Variants in UMOD observed in about 807,000 individuals in gnomAD.
UMOD encodes the protein Tamm-Horsfall urinary glycoprotein.
In UMOD, 64 loss-of-function variants were observed where a neutral mutation model predicts 66.0. That is an observed-to-expected ratio of 0.97 (90% CI 0.79 to 1.19). UMOD has a LOEUF of 1.19. Among genes scored for constraint, UMOD ranks in the 50% most tolerant of loss-of-function variants. The probability of loss-of-function intolerance (pLI) is 0.00; values close to 1 mark genes in which losing one functional copy is unlikely to be tolerated. For synonymous variants in UMOD, 398 were observed against 352.7 expected, an observed-to-expected ratio of 1.13 and a Z score of -1.44; for missense variants, 764 against 850.9, an observed-to-expected ratio of 0.90 and a Z score of 1.27.
chr16:20,346,976 G>A (rs1442428793), intron 4 of UMOD, among the ~76,000 whole-genome samples: 1 of 152,178 alleles, frequency 6.6e-6, no homozygotes, highest in Non-Finnish European at 1.5e-5. Flanking sequence ...GTCCCAGCTT[G>A]CCACTAATGT....
rs547514548 is a variant in UMOD at position 20,333,226 on chromosome 16, C to T, written c.*88G>A. ...CTGAACAAAGCATGAACTTTCTTTT[C>T]TGTGGCTGGAGCACTGGCCCGCATC... On this transcript the variant is annotated 3_prime_UTR_variant, in exon 11 of 11. Coordinates refer to ENST00000396138, the MANE Select transcript of UMOD (RefSeq NM_003361.4). 12 of 1,355,918 alleles carry T rather than the reference C, an allele frequency of 8.9e-6. No individual in the cohort carries two copies. The African/African-American group carries it at 1.2e-4, about 13-fold the overall frequency. The allele number at this position is 1,355,918 out of a possible 1,614,324, so 84.0% of individuals were successfully genotyped here. A position where few individuals can be genotyped will look rare whatever the true frequency, so the allele number is the denominator to read the frequency against.
intron 8 of UMOD, 123 bp from the exon 9 acceptor site, chr16:20,336,850 G>T: frequency 1.2e-6 from 1 of 829,634 alleles, no homozygotes; most frequent in Non-Finnish European, 2.0e-6. Context: ...GTTGTTAGGA[G>T]ACCTGTATAC....
chr16:20,351,531 T>C (rs1158388474), intron 1 of UMOD: 1 of 154,630 alleles, frequency 6.5e-6, no homozygotes, highest in African/African-American at 2.4e-5. Context: ...CCTGCTTTAC[T>C]GATCACTAAC....
intron 1 of UMOD, among the ~76,000 whole-genome samples, chr16:20,352,194 C>T (rs1429366334): frequency 6.6e-6 from 1 of 152,004 alleles, no homozygotes; most frequent in Non-Finnish European, 1.5e-5. Context: ...TCCTAGTTTG[C>T]AGATGAGAAA....
chr16:20,337,146 C>T, intron 8 of UMOD, 145 bp downstream of exon 8: 2 of 1,148,586 alleles, frequency 1.7e-6, no homozygotes, highest in Non-Finnish European at 2.5e-6. Flanking sequence ...CTTAGGTTTC[C>T]TGCCTAGCCA....
intron 7 of UMOD, among the ~76,000 whole-genome samples, chr16:20,339,261 T>C (rs185907304): frequency 5.3e-5 from 8 of 152,368 alleles, no homozygotes; most frequent in African/African-American, 1.9e-4. Flanking sequence ...AGTTCTTTTT[T>C]TCTTTATTGA....
In UMOD at chr16:20,333,179, A is replaced by G. The variant is rs1197747679; in HGVS notation, c.*135T>C. The G allele has an allele frequency of 3.3e-6, 3 of 922,438 alleles. No homozygotes were observed. Among genetic ancestry groups the G allele is most frequent in the Non-Finnish European group, 5.2e-6 (3 of 578,606 alleles). 57.1% of individuals were successfully genotyped at this position (922,438 alleles called of 1,614,324 possible). ...AGGCTGTTTCTCGACAGCCAGGATT[A>G]AAAGGGAGAAAAGAAGGCAGGCTGA... On this transcript the variant is annotated 3_prime_UTR_variant, in exon 11 of 11. Transcript: ENST00000396138.
chr16:20,350,604 A>T, intron 2 of UMOD, 46 bp downstream of exon 2: 1 of 1,608,106 alleles, frequency 6.2e-7, no homozygotes, highest in Non-Finnish European at 8.5e-7. Context: ...ATTCACACAT[A>T]CACGTGCATA....
At chr16:20,337,589 A>G in intron 7 of UMOD, 136 bp from the exon 8 acceptor site, 3 of 1,008,828 alleles carry the variant, frequency 3.0e-6, no homozygotes, top group Admixed American at 2.1e-5. Flanking sequence ...GTGTACCTCA[A>G]TTTCTCCATC....
At chr16:20,349,584 G>T in intron 2 of UMOD, 1 of 1,289,856 alleles carries the variant, frequency 7.8e-7, no homozygotes, top group Non-Finnish European at 1.0e-6. Context: ...CCAAAAAGTT[G>T]GGACCACAGG....
chr16:20,349,093 C>T lies in UMOD; in HGVS notation c.208G>A (p.Ala70Thr), dbSNP rs756677160. 2 of 1,613,222 alleles carry T rather than the reference C, an allele frequency of 1.2e-6. No individual in the cohort carries two copies. The highest frequency in any genetic ancestry group is 1.1e-5 in the South Asian group (1 of 90,848). ...GLTCVDLDEC[A>T]IPGAHNCSAN... Reference sequence around the variant, plus strand: ...GAGCAGTTGTGAGCTCCAGGAATGGCGCACTCATCCAGGTCCACGCAGGTC... The same window carrying T: ...GAGCAGTTGTGAGCTCCAGGAATGGTGCACTCATCCAGGTCCACGCAGGTC... The change falls in exon 3 of 11, where the codon GCC becomes ACC. Residue 70 changes from alanine to threonine, a missense_variant. Ala to Thr is a moderately conservative substitution (Grantham distance 58, BLOSUM62 0). Coordinates refer to ENST00000396138, the MANE Select transcript of UMOD (RefSeq NM_003361.4).
chr16:20,348,197 A>C (rs150327890), intron 4 of UMOD, 26 bp downstream of exon 4: 1 of 1,606,444 alleles, frequency 6.2e-7, no homozygotes. Flanking sequence ...TTTCTCAACA[A>C]CCCGCTTCCT....
intron 10 of UMOD, among the ~76,000 whole-genome samples, chr16:20,334,322 G>GA (rs1314438100): frequency 7.2e-5 from 11 of 152,248 alleles, no homozygotes; most frequent in Admixed American, 1.3e-4. Context: ...AATGAATCTA[G>GA]AAAAAGGTGT....
Position 20,348,484 on chromosome 16 carries a change from C to T in UMOD, c.817G>A (p.Val273Ile), listed in dbSNP as rs121917774. 2 of 1,611,982 alleles carry T rather than the reference C, an allele frequency of 1.2e-6. No individual in the cohort carries two copies. Among genetic ancestry groups the T allele is most frequent in the Non-Finnish European group, 1.7e-6 (2 of 1,179,858 alleles). ...QVKACAGGYY[V>I]YNLTAPPECH... ...TCGGGGGGCGCTGTCAGGTTGTAGA[C>T]GTAGTAGCCGCCGGCACAGGCCTTC... The change falls in exon 3 of 11, where the codon GTC becomes ATC. Residue 273 changes from valine to isoleucine, a missense_variant. Coordinates refer to ENST00000396138, the MANE Select transcript of UMOD (RefSeq NM_003361.4).
chr16:20,339,972 A>G (rs576911999), intron 7 of UMOD, among the ~76,000 whole-genome samples: 84 of 152,138 alleles, frequency 5.5e-4, no homozygotes, highest in Non-Finnish European at 1.0e-3. Context: ...CCTAGTTTCA[A>G]TTGGCCCTTG....
At chr16:20,346,015 A>C in intron 5 of UMOD, 111 bp downstream of exon 5, 1 of 960,978 alleles carries the variant, frequency 1.0e-6, no homozygotes, top group Non-Finnish European at 1.6e-6. Flanking sequence ...GATGAAACTG[A>C]GGCACAGCCA....
At position 20,349,607 on chromosome 16, in the gene UMOD, C is replaced by T. The variant is rs548065050; in HGVS notation, c.89-395G>A. On this transcript the variant is annotated intron_variant, in intron 2 of 10. Coordinates refer to ENST00000396138, the MANE Select transcript of UMOD (RefSeq NM_003361.4). Reference sequence around the variant, plus strand: ...TTGGGACCACAGGCACGTGCAATCGCGCCCAGCTCCACCATTCATTTTTTG... The same window carrying T: ...TTGGGACCACAGGCACGTGCAATCGTGCCCAGCTCCACCATTCATTTTTTG... 3.1e-3 allele frequency: 4,334 copies of T among 1,398,220 alleles called. 15 individuals carry two copies. The highest frequency in any genetic ancestry group is 3.5e-3 in the Non-Finnish European group (3,700 of 1,066,918). 86.6% of individuals were successfully genotyped at this position (1,398,220 alleles called of 1,614,324 possible). A position where few individuals can be genotyped will look rare whatever the true frequency, so the allele number is the denominator to read the frequency against.
intron 7 of UMOD, among the ~76,000 whole-genome samples, chr16:20,340,281 A>C (rs1469128276): frequency 6.6e-6 from 1 of 152,050 alleles, no homozygotes; most frequent in Non-Finnish European, 1.5e-5. Context: ...CTAAAGCTGG[A>C]GGATCGCTTG....
chr16:20,337,377 T>G lies in UMOD; in HGVS notation c.1654A>C (p.Met552Leu), dbSNP rs1964941316. 6.2e-7 allele frequency: 1 copy of G among 1,614,046 alleles called. No individual in the cohort carries two copies. Among genetic ancestry groups the G allele is most frequent in the Non-Finnish European group, 8.5e-7 (1 of 1,180,028 alleles). ...ESSQGRFSVQMFRFAGNYDLV... is the reference protein window; with the variant it reads ...ESSQGRFSVQLFRFAGNYDLV... ...TCATAGTTTCCAGCAAACCGGAACA[T>G]CTGGACGGAAAATCGGCCCTGGGAG... is the stretch of plus-strand genomic sequence containing the variant. Residue 552 changes from methionine (M) to leucine (L), a missense_variant, in exon 8 of 11, where the codon ATG becomes CTG. Physicochemically the swap from Met to Leu is conservative, Grantham distance 15 (BLOSUM62 2). Coordinates refer to ENST00000396138, the MANE Select transcript of UMOD (RefSeq NM_003361.4).
Sources: gnomAD v4.1 joint callset for allele counts (sites outside exome capture counted in the v4.1 genomes callset) on GRCh38, gnomAD v4.1.1 for gene constraint, MANE v1.5 for transcripts, NCBI Gene and HGNC (gene_info 2026-07-23, HGNC 2026-07-21) for gene names.